The following LHX8 variants were observed in gnomAD, a reference collection of about 807,000 sequenced individuals.
LHX8 encodes LIM homeobox 8.
Under a neutral mutation model 40.3 loss-of-function variants are expected in LHX8, and 12 were observed. That is an observed-to-expected ratio of 0.30 (90% CI 0.19 to 0.48). The LOEUF (loss-of-function observed/expected upper bound fraction) is 0.48, where lower values mean the gene tolerates loss of function less well. LHX8 is among the 20% of genes least tolerant of loss of function. The pLI is 0.99. For missense variants in LHX8, 344 were observed against 433.7 expected (o/e 0.79, Z 1.84); for synonymous variants, 179 against 162.0 (o/e 1.10, Z -0.80).
At chr1:75,167,817 C>T in the LHX8 span, among the ~76,000 whole-genome samples, 4 of 152,316 alleles carry the variant, frequency 2.6e-5, no homozygotes, top group East Asian at 7.7e-4. Context: ...AACTCCTCAG[C>T]CTGGGCTACA....
At chr1:75,156,497 C>T (rs1648771890) in intron 7 of LHX8, among the ~76,000 whole-genome samples, 1 of 152,138 alleles carries the variant, frequency 6.6e-6, no homozygotes, top group South Asian at 2.1e-4. Context: ...CTGCCTCAGC[C>T]TCCCAAAGTG....
chr1:75,197,983 T>C, the LHX8 span, among the ~76,000 whole-genome samples: 3 of 152,124 alleles, frequency 2.0e-5, no homozygotes, highest in African/African-American at 7.2e-5. Context: ...AAGTAAAGAT[T>C]AAGGGACTCT....
chr1:75,163,125 G>T (rs1648963773), downstream of LHX8, among the ~76,000 whole-genome samples: 1 of 151,788 alleles, frequency 6.6e-6, no homozygotes, highest in Non-Finnish European at 1.5e-5. Context: ...GGACAAGGTA[G>T]TATTTAGTAG....
intron 1 of LHX8, 74 bp from the exon 2 acceptor site, chr1:75,136,529 C>A (rs140903812): frequency 2.6e-6 from 3 of 1,140,956 alleles, no homozygotes; most frequent in Admixed American, 2.0e-5. Context: ...CTCCCCGCGC[C>A]GAGGCTGGGG....
At chr1:75,171,110 C>T in the LHX8 span, among the ~76,000 whole-genome samples, 1 of 152,142 alleles carries the variant, frequency 6.6e-6, no homozygotes, top group African/African-American at 2.4e-5. Context: ...CAACTTAAGG[C>T]ACGCTCAGAG....
the LHX8 span, among the ~76,000 whole-genome samples, chr1:75,179,241 C>G: frequency 1.3e-5 from 2 of 152,156 alleles, no homozygotes; most frequent in African/African-American, 4.8e-5. Flanking sequence ...AACCTTCTGT[C>G]TCTTTGATCT....
chr1:75,184,068 G>T, the LHX8 span, among the ~76,000 whole-genome samples: 2 of 152,136 alleles, frequency 1.3e-5, no homozygotes, highest in Non-Finnish European at 2.9e-5. Context: ...AATTCAACAA[G>T]AAGACCTAAC....
chr1:75,189,955 A>G, the LHX8 span, among the ~76,000 whole-genome samples: 452 of 152,282 alleles, frequency 3.0e-3, 2 homozygotes, highest in African/African-American at 0.011. Flanking sequence ...TAACAATTGG[A>G]TTCTTTGCAA....
the LHX8 span, among the ~76,000 whole-genome samples, chr1:75,188,587 C>A: frequency 1.3e-5 from 2 of 152,204 alleles, no homozygotes; most frequent in Non-Finnish European, 2.9e-5. Flanking sequence ...CATACGTCTT[C>A]TTTTGTCCTT....
At chr1:75,177,615 G>A in the LHX8 span, among the ~76,000 whole-genome samples, 133 of 152,078 alleles carry the variant, frequency 8.7e-4, no homozygotes, top group African/African-American at 2.7e-3. Context: ...TCATGTCATC[G>A]GCAAACAGGA....
intron 8 of LHX8, among the ~76,000 whole-genome samples, chr1:75,158,498 A>G (rs1156866694): frequency 6.6e-6 from 1 of 152,198 alleles, no homozygotes; most frequent in African/African-American, 2.4e-5. Context: ...CTTCTATGAT[A>G]TCATCTAGAA....
intron 8 of LHX8, chr1:75,159,826 A>G (rs957676503): frequency 1.3e-5 from 2 of 152,206 alleles, no homozygotes; most frequent in Admixed American, 6.5e-5. Flanking sequence ...CCCCCCAGGT[A>G]GTCAGAATAG....
chr1:75,169,056 TAAG>T, the LHX8 span, among the ~76,000 whole-genome samples: 1 of 152,160 alleles, frequency 6.6e-6, no homozygotes, highest in South Asian at 2.1e-4. Flanking sequence ...TCCTTCATAT[TAAG>T]AAGAAAATGT....
At chr1:75,193,090 T>C in the LHX8 span, among the ~76,000 whole-genome samples, 1 of 152,236 alleles carries the variant, frequency 6.6e-6, no homozygotes, top group Non-Finnish European at 1.5e-5. Flanking sequence ...AGCTGCCTTT[T>C]GGACATCTAT....
the LHX8 span, among the ~76,000 whole-genome samples, chr1:75,178,401 G>C: frequency 6.6e-6 from 1 of 151,958 alleles, no homozygotes; most frequent in Non-Finnish European, 1.5e-5. Flanking sequence ...TTAGTCTTGG[G>C]GGGGTGTATG....
the LHX8 span, among the ~76,000 whole-genome samples, chr1:75,166,680 AAG>A: frequency 1.4e-4 from 21 of 152,194 alleles, no homozygotes; most frequent in East Asian, 1.5e-3. Flanking sequence ...TGTCTTTCAG[AAG>A]ACAGCATGGT....
chr1:75,147,194 G>A (rs1000373437), intron 6 of LHX8, among the ~76,000 whole-genome samples: 7 of 152,148 alleles, frequency 4.6e-5, no homozygotes, highest in African/African-American at 1.7e-4. Flanking sequence ...TGAGTCTGTA[G>A]ATACAATATA....
At chr1:75,161,998 C>T (rs1648931796), downstream of LHX8, among the ~76,000 whole-genome samples, 1 of 151,998 alleles carries the variant, frequency 6.6e-6, no homozygotes, top group Non-Finnish European at 1.5e-5. Flanking sequence ...ATTTAGTACT[C>T]ACTTTTTGTC....
At chr1:75,177,386 T>G in the LHX8 span, among the ~76,000 whole-genome samples, 1 of 152,226 alleles carries the variant, frequency 6.6e-6, no homozygotes, top group Admixed American at 6.5e-5. Flanking sequence ...AAGAGGTCCT[T>G]CACATCCCTT....
Sources: allele counts gnomAD v4.1 joint callset (sites outside exome capture counted in the v4.1 genomes callset), GRCh38; gene constraint gnomAD v4.1.1; transcripts MANE v1.5; gene names NCBI Gene and HGNC (gene_info 2026-07-23, HGNC 2026-07-21).